VWC2: variants seen among roughly 807,000 people sequenced by gnomAD.
VWC2 encodes the protein von Willebrand factor C domain containing 2.
In VWC2, 14 loss-of-function variants were observed where a neutral mutation model predicts 29.8. The observed-to-expected ratio is 0.47, with a 90% CI of 0.31 to 0.74. The LOEUF is 0.74. VWC2 is among the 30% of genes least tolerant of loss of function. The pLI, the probability that VWC2 is intolerant of heterozygous loss-of-function variation, is 0.05. For synonymous variants in VWC2, 213 were observed against 199.0 expected, an observed-to-expected ratio of 1.07 and a Z score of -0.59; for missense variants, 457 against 459.8, an observed-to-expected ratio of 0.99 and a Z score of 0.05.
At chr7:49,794,498 G>A (rs1047422274) in intron 2 of VWC2, among the ~76,000 whole-genome samples, 2 of 152,214 alleles carry the variant, frequency 1.3e-5, no homozygotes, top group Admixed American at 6.5e-5. Context: ...CCTTGTAATA[G>A]ACAGGGTGTA....
intron 3 of VWC2, among the ~76,000 whole-genome samples, chr7:49,832,019 T>C (rs543402051): frequency 4.6e-5 from 7 of 152,338 alleles, no homozygotes; most frequent in African/African-American, 1.4e-4. Context: ...GGGCATCGGC[T>C]GCTCAGGCTG....
chr7:49,866,263 C>A (rs1464865802), intron 3 of VWC2, among the ~76,000 whole-genome samples: 1 of 152,204 alleles, frequency 6.6e-6, no homozygotes, highest in Admixed American at 6.5e-5. Context: ...TTTCAAGATC[C>A]TCTAGCTGTC....
At chr7:49,809,267 A>C (rs1788945977) in intron 3 of VWC2, among the ~76,000 whole-genome samples, 1 of 151,992 alleles carries the variant, frequency 6.6e-6, no homozygotes, top group Admixed American at 6.6e-5. Context: ...CCAACAAATT[A>C]GAATAGTTGT....
chr7:49,868,926 T>A (rs928768116), intron 3 of VWC2, among the ~76,000 whole-genome samples: 1 of 152,208 alleles, frequency 6.6e-6, no homozygotes, highest in Non-Finnish European at 1.5e-5. Flanking sequence ...GCCTGGGAGA[T>A]CTTTAAAAAT....
At chr7:49,901,713 A>AT (rs1234513623) in intron 3 of VWC2, among the ~76,000 whole-genome samples, 2 of 151,870 alleles carry the variant, frequency 1.3e-5, no homozygotes, top group Non-Finnish European at 2.9e-5. Context: ...TGGAGGGGCA[A>AT]AAGACCTAGA....
At chr7:49,885,838 G>GC (rs1217644021) in intron 3 of VWC2, among the ~76,000 whole-genome samples, 2 of 152,252 alleles carry the variant, frequency 1.3e-5, no homozygotes, top group Non-Finnish European at 2.9e-5. Context: ...GCAGCAGCTG[G>GC]CCGCTGCAGC....
chr7:49,907,666 C>T (rs1335361283), intron 3 of VWC2, among the ~76,000 whole-genome samples: 1 of 152,142 alleles, frequency 6.6e-6, no homozygotes, highest in East Asian at 1.9e-4. Context: ...TAACATAAGA[C>T]ATCAATCAAT....
intron 2 of VWC2, among the ~76,000 whole-genome samples, chr7:49,789,436 G>A (rs1159038703): frequency 6.6e-6 from 1 of 151,924 alleles, no homozygotes; most frequent in Non-Finnish European, 1.5e-5. Flanking sequence ...ATTGGCCACA[G>A]TCCCCACCAC....
intron 3 of VWC2, among the ~76,000 whole-genome samples, chr7:49,843,580 A>G (rs1789849744): frequency 6.6e-6 from 1 of 152,326 alleles, no homozygotes; most frequent in South Asian, 2.1e-4. Flanking sequence ...TCAATGAATG[A>G]TTTTAGTTTT....
intron 2 of VWC2, among the ~76,000 whole-genome samples, chr7:49,789,830 A>T (rs1788423935): frequency 6.6e-6 from 1 of 152,218 alleles, no homozygotes; most frequent in African/African-American, 2.4e-5. Context: ...TCTACAAAAT[A>T]ATTCTACAAA....
intron 3 of VWC2, among the ~76,000 whole-genome samples, chr7:49,848,367 A>G (rs575320378): frequency 6.6e-6 from 1 of 152,292 alleles, no homozygotes; most frequent in East Asian, 1.9e-4. Flanking sequence ...CCCACTGACA[A>G]GAGGAAGCAG....
chr7:49,784,864 A>C (rs1288421383), intron 2 of VWC2, among the ~76,000 whole-genome samples: 1 of 152,210 alleles, frequency 6.6e-6, no homozygotes, highest in East Asian at 1.9e-4. Flanking sequence ...GTAGTGTTCC[A>C]AGTAATGTGA....
intron 3 of VWC2, among the ~76,000 whole-genome samples, chr7:49,891,421 G>A (rs571667049): frequency 3.3e-5 from 5 of 152,236 alleles, no homozygotes; most frequent in East Asian, 1.9e-4. Context: ...ATCAGACAAA[G>A]GACTTTTGCA....
At chr7:49,803,811 G>A (rs560873636) in intron 3 of VWC2, among the ~76,000 whole-genome samples, 34 of 152,266 alleles carry the variant, frequency 2.2e-4, no homozygotes, top group African/African-American at 7.5e-4. Flanking sequence ...CATGACAGTC[G>A]AAATTGTGCG....
At chr7:49,854,587 G>C (rs1790337401) in intron 3 of VWC2, among the ~76,000 whole-genome samples, 1 of 152,152 alleles carries the variant, frequency 6.6e-6, no homozygotes, top group Non-Finnish European at 1.5e-5. Flanking sequence ...AAATTTGTTT[G>C]AGTTCTTTGC....
In VWC2 at chr7:49,917,000, C is replaced by G. The variant is rs147811190; in HGVS notation, c.*4815C>G. On this transcript the variant is annotated 3_prime_UTR_variant, in exon 4 of 4. Transcript: ENST00000340652. ...ACTGGCCCTTTATGATAAAGGAAGT[C>G]AAGTTTACAGTTTTGATATTTGTTT... 2.0e-5 allele frequency: 3 copies of G among 152,298 alleles called. No homozygotes were observed. The East Asian group carries it at 5.8e-4, about 29-fold the overall frequency. 9.4% of individuals were successfully genotyped at this position (152,298 alleles called of 1,614,324 possible).
At chr7:49,803,292 G>C (rs1396900392) in intron 3 of VWC2, among the ~76,000 whole-genome samples, 1 of 152,238 alleles carries the variant, frequency 6.6e-6, no homozygotes, top group African/African-American at 2.4e-5. Context: ...AGAGCCCCTG[G>C]TAGATCAGAA....
At chr7:49,887,566 T>A (rs1182378939) in intron 3 of VWC2, among the ~76,000 whole-genome samples, 1 of 152,214 alleles carries the variant, frequency 6.6e-6, no homozygotes, top group Admixed American at 6.5e-5. Flanking sequence ...TATCATTTCA[T>A]TTGTGTCTGT....
At chr7:49,828,721 G>A (rs182745282) in intron 3 of VWC2, among the ~76,000 whole-genome samples, 2 of 152,116 alleles carry the variant, frequency 1.3e-5, no homozygotes, top group African/African-American at 2.4e-5. Flanking sequence ...CCTCTCCCAC[G>A]GTTAATCAGT....
Sources: gnomAD v4.1 joint callset for allele counts (sites outside exome capture counted in the v4.1 genomes callset) on GRCh38, gnomAD v4.1.1 for gene constraint, MANE v1.5 for transcripts, NCBI Gene and HGNC (gene_info 2026-07-23, HGNC 2026-07-21) for gene names.